The following EBF2 variants were observed in gnomAD, a reference collection of about 807,000 sequenced individuals.
EBF2 encodes EBF transcription factor 2, also known as transcription factor COE2.
In EBF2, 21 loss-of-function variants were observed where a neutral mutation model predicts 72.8. The observed-to-expected ratio is 0.29, with a 90% confidence interval of 0.20 to 0.42. The LOEUF (loss-of-function observed/expected upper bound fraction) is 0.42. Among genes scored for constraint, EBF2 ranks in the 10% least tolerant of loss-of-function variants. EBF2 has a pLI of 1.00. For missense variants in EBF2, 637 were observed against 731.2 expected (o/e 0.87, Z 1.49); for synonymous variants, 299 against 274.2 (o/e 1.09, Z -0.89).
At chr8:25,947,991 T>A (rs778239375) in intron 6 of EBF2, among the ~76,000 whole-genome samples, 4 of 152,198 alleles carry the variant, frequency 2.6e-5, no homozygotes, top group Non-Finnish European at 5.9e-5. Flanking sequence ...CAGGGTTTGA[T>A]ACATGGAAGA....
In EBF2 at chr8:25,889,321, AT is replaced by A. The variant is rs1802739693; in HGVS notation, c.751+430del. 2.0e-5 allele frequency among the ~76,000 whole-genome samples: 3 copies of A among 152,324 alleles called. No individual in the cohort carries two copies. The South Asian group carries it at 6.2e-4, about 32-fold the overall frequency. On this transcript the variant is annotated intron_variant, in intron 8 of 15. Coordinates refer to ENST00000520164, the MANE Select transcript of EBF2 (RefSeq NM_022659.4). ...GGAAAACTACCCAGAACAGACCATG[AT>A]TTCTTCTTGTCCAAGCAAACAAAAA...
intron 6 of EBF2, among the ~76,000 whole-genome samples, chr8:25,987,728 C>A (rs576182985): frequency 2.6e-5 from 4 of 152,252 alleles, no homozygotes; most frequent in African/African-American, 9.6e-5. Flanking sequence ...TTCTTGAACA[C>A]AAACTGCATA....
In EBF2 at chr8:26,033,164, G is replaced by C. The variant is rs1563214568; in HGVS notation, c.483-11C>G. ...TTTTCGCAGCATCGACTGTAGATTG[G>C]GAAGGAACCAAGAGTGAAAGAAATT... On this transcript the variant is annotated splice_polypyrimidine_tract_variant and intron_variant, in intron 5 of 15. Transcript: ENST00000520164. The C allele has an allele frequency of 6.2e-7, 1 of 1,613,754 alleles. No homozygotes were observed.
chr8:25,879,223 C>A lies in EBF2; in HGVS notation c.1009+7532G>T, dbSNP rs192375937. Reference sequence around the variant, plus strand: ...CCTTTAAAACCCATATCACAGATGCCTTTCATGTAAATAAATATCCATCCA... The same window carrying A: ...CCTTTAAAACCCATATCACAGATGCATTTCATGTAAATAAATATCCATCCA... On this transcript the variant is annotated intron_variant, in intron 10 of 15. Coordinates refer to ENST00000520164, the MANE Select transcript of EBF2 (RefSeq NM_022659.4). Among the ~76,000 whole-genome samples the A allele has an allele frequency of 8.0e-4, 121 of 152,174 alleles. 2 individuals carry two copies. The highest frequency in any genetic ancestry group is 2.8e-3 in the African/African-American group (118 of 41,510).
At position 26,044,671 on chromosome 8, in the gene EBF2, G is replaced by A. The variant is rs978028227; in HGVS notation, c.131+58C>T. On this transcript the variant is annotated intron_variant, in intron 1 of 15. Transcript: ENST00000520164. This position sits in a 1 kb window ranked among gnomAD's most constrained non-coding sequence, Gnocchi z 4.1. ...CGGGGTGCGCGGGGGGGGTGCACACGGAGAGACAGACCGTAAGAGCGAGAG... is the reference window on the plus strand; with the variant it reads ...CGGGGTGCGCGGGGGGGGTGCACACAGAGAGACAGACCGTAAGAGCGAGAG... 4.0e-5 allele frequency: 64 copies of A among 1,585,366 alleles called. No individual in the cohort carries two copies. Among genetic ancestry groups the A allele is most frequent in the Admixed American group, 1.0e-4 (6 of 58,938 alleles).
rs561720128 is a variant in EBF2 at position 25,872,675 on chromosome 8, A to G, written c.1010-9878T>C. The stretch of plus-strand genomic sequence containing the variant: ...GAAAGGTTTTCTTTGCATTGTAAGA[A>G]AGCAAACAACAACAACAACAACAAC... On this transcript the variant is annotated intron_variant, in intron 10 of 15. Transcript: ENST00000520164. Among the ~76,000 whole-genome samples the G allele has an allele frequency of 4.6e-5, 6 of 131,748 alleles. No homozygotes were observed. In the South Asian group the frequency reaches 1.3e-3, roughly 29 times the overall value. 86.4% of individuals were successfully genotyped at this position (131,748 alleles called of 152,430 possible).
At chr8:25,968,027 C>T (rs1428181929) in intron 6 of EBF2, among the ~76,000 whole-genome samples, 6 of 152,096 alleles carry the variant, frequency 3.9e-5, no homozygotes, top group Non-Finnish European at 7.4e-5. Flanking sequence ...TGCAGCTTAC[C>T]TGAAAGAATC....
At chr8:26,040,711 C>A (rs1484361661) in intron 3 of EBF2, 40 bp from the exon 4 acceptor site, 3 of 1,548,994 alleles carry the variant, frequency 1.9e-6, no homozygotes, top group East Asian at 2.4e-5. Context: ...GGCCGTAGAG[C>A]CCCTTCCGGG....
At chr8:26,034,290 A>G (rs1805459483) in intron 5 of EBF2, among the ~76,000 whole-genome samples, 1 of 152,216 alleles carries the variant, frequency 6.6e-6, no homozygotes, top group African/African-American at 2.4e-5. Context: ...TGGTAGCTCC[A>G]ATAATTTTTA....
At chr8:25,903,371 C>A (rs1387899765) in intron 7 of EBF2, among the ~76,000 whole-genome samples, 1 of 151,976 alleles carries the variant, frequency 6.6e-6, no homozygotes, top group Non-Finnish European at 1.5e-5. Context: ...GGCATTCATG[C>A]TGAGGACGGG....
intron 6 of EBF2, among the ~76,000 whole-genome samples, chr8:26,005,080 T>A (rs1364504923): frequency 6.7e-6 from 1 of 148,360 alleles, no homozygotes; most frequent in Non-Finnish European, 1.5e-5. Flanking sequence ...ACAAGTACAA[T>A]GGCAAAAAAA....
chr8:25,946,973 C>T (rs1251440354), intron 6 of EBF2, among the ~76,000 whole-genome samples: 6 of 152,170 alleles, frequency 3.9e-5, no homozygotes, highest in African/African-American at 1.4e-4. Flanking sequence ...ACAAATATCC[C>T]TAATACAATA....
At chr8:25,915,921 A>G (rs527870241) in intron 6 of EBF2, among the ~76,000 whole-genome samples, 1 of 152,306 alleles carries the variant, frequency 6.6e-6, no homozygotes, top group African/African-American at 2.4e-5. Flanking sequence ...ACGTGATTTC[A>G]TAGCTTCTAC....
intron 6 of EBF2, among the ~76,000 whole-genome samples, chr8:25,922,820 T>C (rs1803325691): frequency 3.9e-5 from 6 of 152,228 alleles, no homozygotes; most frequent in South Asian, 4.2e-4. Flanking sequence ...AAGGCCTAAT[T>C]GACACGCTCA....
intron 6 of EBF2, among the ~76,000 whole-genome samples, chr8:25,990,192 C>T (rs1356144889): frequency 1.5e-5 from 2 of 131,550 alleles, no homozygotes; most frequent in African/African-American, 8.3e-5. Flanking sequence ...GGGTTATACA[C>T]ACACACACAC....
chr8:26,005,842 A>G (rs985781467), intron 6 of EBF2, among the ~76,000 whole-genome samples: 17 of 151,430 alleles, frequency 1.1e-4, no homozygotes, highest in African/African-American at 4.1e-4. Flanking sequence ...AAAAAAAAAA[A>G]AAAAGATTTT....
chr8:25,941,930 T>C (rs954701599), intron 6 of EBF2, among the ~76,000 whole-genome samples: 5 of 152,258 alleles, frequency 3.3e-5, no homozygotes, highest in Non-Finnish European at 5.9e-5. Context: ...GTCCATGCTG[T>C]GGCTTAATAA....
intron 6 of EBF2, among the ~76,000 whole-genome samples, chr8:25,945,222 C>T (rs1349141462): frequency 6.6e-6 from 1 of 151,430 alleles, no homozygotes; most frequent in Admixed American, 6.6e-5. Flanking sequence ...TATTCTTCTG[C>T]TATATCCCCC....
At chr8:26,026,455 A>C (rs1805303835) in intron 6 of EBF2, among the ~76,000 whole-genome samples, 1 of 152,160 alleles carries the variant, frequency 6.6e-6, no homozygotes, top group Admixed American at 6.6e-5. Context: ...CACAGAGAGG[A>C]GGCTCTTGAC....
Sources: gnomAD v4.1 joint callset for allele counts (sites outside exome capture counted in the v4.1 genomes callset) on GRCh38, gnomAD v4.1.1 for gene constraint, Gnocchi (gnomAD v3.1) non-coding constraint, MANE v1.5 for transcripts, NCBI Gene and HGNC (gene_info 2026-07-23, HGNC 2026-07-21) for gene names.